The following DHX40 variants were observed in gnomAD, a reference collection of about 807,000 sequenced individuals.
DHX40 encodes probable ATP-dependent RNA helicase DHX40.
Under a neutral mutation model 89.6 loss-of-function variants are expected in DHX40, and 28 were observed. The observed-to-expected ratio is 0.31, with a 90% confidence interval of 0.23 to 0.43. The LOEUF is 0.43. DHX40 is among the 20% of genes least tolerant of loss of function. The probability of loss-of-function intolerance (pLI) is 1.00; values close to 1 mark genes in which losing one functional copy is unlikely to be tolerated. For missense variants in DHX40, 457 were observed against 844.0 expected (o/e 0.54, Z 5.68); for synonymous variants, 226 against 283.6 (o/e 0.80, Z 2.04).
At chr17:59,581,071 G>T (rs1250983001) in intron 10 of DHX40, among the ~76,000 whole-genome samples, 1 of 150,412 alleles carries the variant, frequency 6.6e-6, no homozygotes, top group Non-Finnish European at 1.5e-5. Context: ...AACAGAGCGA[G>T]ATTCTGTCTC....
At chr17:59,570,071 A>ATT (rs1191959893) in intron 2 of DHX40, among the ~76,000 whole-genome samples, 2 of 106,706 alleles carry the variant, frequency 1.9e-5, no homozygotes, top group African/African-American at 1.0e-4. Context: ...ATTATATTAT[A>ATT]ATGTATATTT....
intron 15 of DHX40, chr17:59,604,019 C>CA (rs2030695977): frequency 6.6e-6 from 1 of 151,952 alleles, no homozygotes; most frequent in African/African-American, 2.4e-5. Flanking sequence ...ATGAAGGAGA[C>CA]CAAAGGGAAA....
chr17:59,607,414 T>G lies in DHX40; in HGVS notation c.*242T>G, dbSNP rs531517505. 1 of 700,076 alleles carries G rather than the reference T, an allele frequency of 1.4e-6. No individual in the cohort carries two copies. Among genetic ancestry groups the G allele is most frequent in the Non-Finnish European group, 2.4e-6 (1 of 422,292 alleles). The allele number at this position is 700,076 out of a possible 1,614,324, so 43.4% of individuals were successfully genotyped here. A position where few individuals can be genotyped will look rare whatever the true frequency, so the allele number is the denominator to read the frequency against. On this transcript the variant is annotated 3_prime_UTR_variant, in exon 18 of 18. Transcript: ENST00000251241. ...GATACATGAAACCAATGAAAGACAG[T>G]ACATGTAATAATATTTTCCTCAGTA...
At chr17:59,597,501 T>C (rs2030164991) in intron 12 of DHX40, among the ~76,000 whole-genome samples, 1 of 150,940 alleles carries the variant, frequency 6.6e-6, no homozygotes, top group Admixed American at 6.6e-5. Flanking sequence ...GGGAATTGGA[T>C]AAATAAGAAC....
intron 14 of DHX40, among the ~76,000 whole-genome samples, chr17:59,601,138 C>G (rs919240550): frequency 6.8e-6 from 1 of 146,560 alleles, no homozygotes; most frequent in African/African-American, 2.5e-5. Flanking sequence ...GACCTTGTCT[C>G]TACTAAAAAA....
At chr17:59,606,528 C>T (rs1488818148) in intron 17 of DHX40, among the ~76,000 whole-genome samples, 10 of 152,052 alleles carry the variant, frequency 6.6e-5, no homozygotes, top group Non-Finnish European at 1.0e-4. Context: ...GGGCGGATCA[C>T]GAGGTCAGGA....
At chr17:59,574,466 T>G (rs1214412976) in intron 6 of DHX40, among the ~76,000 whole-genome samples, 4 of 151,528 alleles carry the variant, frequency 2.6e-5, no homozygotes, top group Non-Finnish European at 5.9e-5. Context: ...CAAAGACATA[T>G]GTTTATGTCA....
intron 17 of DHX40, among the ~76,000 whole-genome samples, chr17:59,606,078 C>T (rs1414019969): frequency 1.3e-5 from 2 of 150,646 alleles, no homozygotes; most frequent in Non-Finnish European, 3.0e-5. Flanking sequence ...CGGAGTTTTG[C>T]TCTTATTGCC....
chr17:59,574,801 A>T (rs1360250185), intron 6 of DHX40, among the ~76,000 whole-genome samples: 1 of 151,842 alleles, frequency 6.6e-6, no homozygotes, highest in African/African-American at 2.4e-5. Context: ...TAAGGTGTAG[A>T]ATCTATGTGT....
intron 12 of DHX40, among the ~76,000 whole-genome samples, chr17:59,596,608 C>G (rs571767293): frequency 1.3e-3 from 192 of 152,228 alleles, no homozygotes; most frequent in African/African-American, 4.4e-3. Context: ...CGGAGCAGTT[C>G]AAGAAATGGA....
intron 12 of DHX40, among the ~76,000 whole-genome samples, chr17:59,596,805 T>G (rs1313827160): frequency 6.6e-6 from 1 of 152,202 alleles, no homozygotes; most frequent in East Asian, 1.9e-4. Context: ...GTGTTTTCTT[T>G]AATCAAATTA....
At chr17:59,596,809 C>T (rs1459141150) in intron 12 of DHX40, among the ~76,000 whole-genome samples, 1 of 152,132 alleles carries the variant, frequency 6.6e-6, no homozygotes, top group East Asian at 1.9e-4. Context: ...TTTCTTTAAT[C>T]AAATTACTTT....
At chr17:59,600,461 A>G (rs1243225987) in intron 14 of DHX40, among the ~76,000 whole-genome samples, 2 of 122,576 alleles carry the variant, frequency 1.6e-5, no homozygotes, top group African/African-American at 1.0e-4. Flanking sequence ...CAAACAGTAT[A>G]TGCTCTTTTT....
chr17:59,567,005 T>G (rs938722926), intron 2 of DHX40, among the ~76,000 whole-genome samples: 1 of 152,150 alleles, frequency 6.6e-6, no homozygotes, highest in Non-Finnish European at 1.5e-5. Flanking sequence ...CCATTTTTAA[T>G]TACCATAATA....
intron 3 of DHX40, among the ~76,000 whole-genome samples, chr17:59,571,457 CAAA>C (rs111317491): frequency 1.7e-4 from 23 of 136,442 alleles, no homozygotes; most frequent in Admixed American, 3.0e-4. Flanking sequence ...AACTCCACCT[CAAA>C]AAAAAAAAAA....
rs2030783991 is a variant in DHX40 at position 59,605,468 on chromosome 17, T to A, written c.1994T>A (p.Leu665His). 1 of 1,613,132 alleles carries A rather than the reference T, an allele frequency of 6.2e-7. No individual in the cohort carries two copies. Among genetic ancestry groups the A allele is most frequent in the African/African-American group, 1.3e-5 (1 of 74,924 alleles). ...SSALHEQETKLEWIIFHEVLV... is the reference protein window; with the variant it reads ...SSALHEQETKHEWIIFHEVLV... Reference sequence around the variant, plus strand: ...TAGCTTCATGAACAGGAAACCAAACTTGAATGGATCATTTTTCATGAGGTA... The same window carrying A: ...TAGCTTCATGAACAGGAAACCAAACATGAATGGATCATTTTTCATGAGGTA... The change falls in exon 17 of 18, where the codon CTT (leucine) becomes CAT (histidine). Residue 665 changes from leucine to histidine, a missense_variant. This residue lies in a region of DHX40 where 120 missense variants were observed against 161.7 expected (regional missense o/e 0.74). Transcript: ENST00000251241.
chr17:59,606,524 A>T (rs1598184758), intron 17 of DHX40, among the ~76,000 whole-genome samples: 1 of 152,290 alleles, frequency 6.6e-6, no homozygotes, highest in African/African-American at 2.4e-5. Context: ...AGGCGGGCGG[A>T]TCACGAGGTC....
At chr17:59,602,360 A>G (rs2030583294) in intron 14 of DHX40, among the ~76,000 whole-genome samples, 162 bp from the exon 15 acceptor site, 1 of 151,732 alleles carries the variant, frequency 6.6e-6, no homozygotes, top group Non-Finnish European at 1.5e-5. Flanking sequence ...TATTTCATGT[A>G]TTTTTTCCAT....
chr17:59,572,584 GTCCAGGCT>G (rs1417437972), intron 3 of DHX40, among the ~76,000 whole-genome samples: 1 of 152,138 alleles, frequency 6.6e-6, no homozygotes, highest in African/African-American at 2.4e-5. Context: ...TTGCTATGTT[GTCCAGGCT>G]GGTCTCGAAC....
Sources: allele counts gnomAD v4.1 joint callset (sites outside exome capture counted in the v4.1 genomes callset), GRCh38; gene constraint gnomAD v4.1.1; regional missense constraint gnomAD v4.1.1; transcripts MANE v1.5; gene names NCBI Gene and HGNC (gene_info 2026-07-23, HGNC 2026-07-21).